The following MEGF10 variants were observed in gnomAD, a reference collection of about 807,000 sequenced individuals.
MEGF10 encodes the protein multiple epidermal growth factor-like domains protein 10.
In MEGF10, 86 loss-of-function variants were observed where a neutral mutation model predicts 147.5. That is an observed-to-expected ratio of 0.58 (90% CI 0.49 to 0.70). MEGF10 has a LOEUF of 0.70. Ranked by LOEUF, MEGF10 falls within the 30% of genes least tolerant of loss-of-function variation. The pLI is 0.00. For missense variants in MEGF10, 1,329 were observed against 1,487.3 expected (o/e 0.89, Z 1.75); for synonymous variants, 478 against 525.5 (o/e 0.91, Z 1.24).
At chr5:127,243,538 C>T in the MEGF10 span, among the ~76,000 whole-genome samples, 2 of 152,126 alleles carry the variant, frequency 1.3e-5, no homozygotes, top group Admixed American at 6.5e-5. Flanking sequence ...TACAAAGTTT[C>T]TTTCATCACA....
At chr5:127,411,199 A>G (rs72790410) in intron 9 of MEGF10, among the ~76,000 whole-genome samples, 14,924 of 152,200 alleles carry the variant, frequency 0.098, 897 homozygotes, top group Non-Finnish European at 0.13. Context: ...ACAGGAAACC[A>G]CGATCCTACC....
chr5:127,441,026 C>T lies in MEGF10; in HGVS notation c.2362+159C>T, dbSNP rs191981233. Reference sequence around the variant, plus strand: ...ATGACTGACTTCCCCTCCCAGAGGTCAGGCCTCCCTGGGATCATCGCTGGT... The same window carrying T: ...ATGACTGACTTCCCCTCCCAGAGGTTAGGCCTCCCTGGGATCATCGCTGGT... On this transcript the variant is annotated intron_variant, in intron 18 of 24. Coordinates refer to ENST00000503335, the MANE Select transcript of MEGF10 (RefSeq NM_001256545.2). Among the ~76,000 whole-genome samples, 65 of 152,334 alleles carry T rather than the reference C, an allele frequency of 4.3e-4. 1 individual carries two copies. The East Asian group carries it at 0.01, about 24-fold the overall frequency.
At chr5:127,390,556 G>A (rs768777570) in intron 5 of MEGF10, among the ~76,000 whole-genome samples, 1 of 152,170 alleles carries the variant, frequency 6.6e-6, no homozygotes, top group East Asian at 1.9e-4. Flanking sequence ...TTCACAGAGT[G>A]CTGGGATCAC....
At chr5:127,453,901 C>T (rs1201902858) in intron 22 of MEGF10, among the ~76,000 whole-genome samples, 1 of 152,196 alleles carries the variant, frequency 6.6e-6, no homozygotes, top group African/African-American at 2.4e-5. Flanking sequence ...CCTACATGCT[C>T]AATTTTTCCA....
chr5:127,320,559 G>C (rs1760748924), intron 1 of MEGF10, among the ~76,000 whole-genome samples: 1 of 152,216 alleles, frequency 6.6e-6, no homozygotes, highest in Non-Finnish European at 1.5e-5. Context: ...TGGGATTTGG[G>C]TTGTGGCTTT....
chr5:127,301,677 C>T (rs764676412), intron 1 of MEGF10, among the ~76,000 whole-genome samples: 10 of 152,168 alleles, frequency 6.6e-5, no homozygotes, highest in Non-Finnish European at 1.3e-4. Context: ...GCAGGCTACT[C>T]AAGCTCTCTA....
intron 9 of MEGF10, among the ~76,000 whole-genome samples, chr5:127,415,596 G>A (rs1764730814): frequency 6.6e-6 from 1 of 152,004 alleles, no homozygotes; most frequent in Non-Finnish European, 1.5e-5. Context: ...TGATGAGGCA[G>A]AAGAAGTTAT....
chr5:127,243,153 A>G, the MEGF10 span, among the ~76,000 whole-genome samples: 1 of 152,198 alleles, frequency 6.6e-6, no homozygotes, highest in Non-Finnish European at 1.5e-5. Context: ...CTGACAGAGT[A>G]AAGACATCCT....
intron 4 of MEGF10, among the ~76,000 whole-genome samples, chr5:127,362,891 T>C (rs1762527800): frequency 6.6e-6 from 1 of 152,206 alleles, no homozygotes; most frequent in Non-Finnish European, 1.5e-5. Context: ...TTTTTATAAT[T>C]CTATTTTATC....
At chr5:127,313,195 G>A (rs893199677) in intron 1 of MEGF10, among the ~76,000 whole-genome samples, 6 of 152,136 alleles carry the variant, frequency 3.9e-5, no homozygotes, top group Non-Finnish European at 7.4e-5. Flanking sequence ...TTTCTGACAC[G>A]GCTCTATGGG....
chr5:127,367,027 G>A (rs1317598865), intron 4 of MEGF10, among the ~76,000 whole-genome samples: 2 of 152,150 alleles, frequency 1.3e-5, no homozygotes, highest in Non-Finnish European at 2.9e-5. Flanking sequence ...AGAGCAGGGT[G>A]CTAGGCTGGC....
At chr5:127,341,195 G>A (rs891932129) in intron 4 of MEGF10, among the ~76,000 whole-genome samples, 10 of 152,072 alleles carry the variant, frequency 6.6e-5, no homozygotes, top group African/African-American at 9.7e-5. Context: ...GAGAAGTTTC[G>A]TATCTTATGA....
At chr5:127,276,451 T>A in the MEGF10 span, among the ~76,000 whole-genome samples, 2 of 152,334 alleles carry the variant, frequency 1.3e-5, no homozygotes, top group African/African-American at 4.8e-5. Flanking sequence ...AGTGAGATAA[T>A]TATTATAATC....
chr5:127,349,763 A>G (rs1762024969), intron 4 of MEGF10, among the ~76,000 whole-genome samples: 1 of 151,612 alleles, frequency 6.6e-6, no homozygotes, highest in South Asian at 2.1e-4. Flanking sequence ...CTTGACTACT[A>G]CCTTGATGGA....
chr5:127,364,947 A>G (rs1345709997), intron 4 of MEGF10, among the ~76,000 whole-genome samples: 1 of 152,160 alleles, frequency 6.6e-6, no homozygotes, highest in Non-Finnish European at 1.5e-5. Context: ...AACTATGAAT[A>G]TTGGGGAAAT....
chr5:127,381,873 G>A (rs1229769083), intron 5 of MEGF10, among the ~76,000 whole-genome samples: 1 of 152,156 alleles, frequency 6.6e-6, no homozygotes, highest in Non-Finnish European at 1.5e-5. Context: ...GTTTCACCAT[G>A]TGGGCCAGGC....
intron 9 of MEGF10, 95 bp from the exon 10 acceptor site, chr5:127,417,543 C>A: frequency 8.3e-7 from 1 of 1,204,788 alleles, no homozygotes; most frequent in Non-Finnish European, 1.2e-6. Flanking sequence ...GAATTACCCA[C>A]ACATTTAGTG....
intron 5 of MEGF10, among the ~76,000 whole-genome samples, chr5:127,382,664 A>G (rs896686737): frequency 1.3e-5 from 2 of 152,216 alleles, no homozygotes; most frequent in Non-Finnish European, 2.9e-5. Flanking sequence ...TTAAAGGAGA[A>G]GTGAGAGATT....
intron 5 of MEGF10, among the ~76,000 whole-genome samples, chr5:127,395,471 T>C (rs1055477124): frequency 3.9e-5 from 6 of 152,078 alleles, no homozygotes; most frequent in African/African-American, 7.2e-5. Flanking sequence ...TTGTCCATTT[T>C]TTCTGCCCTT....
Sources: gnomAD v4.1 joint callset for allele counts (sites outside exome capture counted in the v4.1 genomes callset) on GRCh38, gnomAD v4.1.1 for gene constraint, MANE v1.5 for transcripts, NCBI Gene and HGNC (gene_info 2026-07-23, HGNC 2026-07-21) for gene names.